DNAJC25: variants seen among roughly 807,000 people sequenced by gnomAD.
DNAJC25 encodes the protein DnaJ heat shock protein family (Hsp40) member C25.
Under a neutral mutation model 42.1 loss-of-function variants are expected in DNAJC25, and 26 were observed. The observed-to-expected ratio is 0.62, with a 90% CI of 0.45 to 0.86. The LOEUF (loss-of-function observed/expected upper bound fraction) is 0.86, where lower values mean the gene tolerates loss of function less well. Ranked by LOEUF, DNAJC25 falls within the 40% of genes least tolerant of loss-of-function variation. DNAJC25 has a pLI of 0.00. For missense variants in DNAJC25, 404 were observed against 459.4 expected, an observed-to-expected ratio of 0.88 and a Z score of 1.10; for synonymous variants, 189 against 179.9, an observed-to-expected ratio of 1.05 and a Z score of -0.40.
intron 1 of DNAJC25, among the ~76,000 whole-genome samples, chr9:111,645,607 T>G (rs1037318494): frequency 7.9e-5 from 12 of 152,200 alleles, no homozygotes; most frequent in Non-Finnish European, 1.6e-4. Context: ...AAGCAAGATT[T>G]AGTCATTAAC....
At chr9:111,634,543 G>C (rs1830336636) in intron 1 of DNAJC25, among the ~76,000 whole-genome samples, 1 of 152,188 alleles carries the variant, frequency 6.6e-6, no homozygotes, top group South Asian at 2.1e-4. Context: ...GAGCAGGTCA[G>C]ATAGAATAGT....
intron 1 of DNAJC25, among the ~76,000 whole-genome samples, chr9:111,643,615 G>A (rs1223382859): frequency 6.6e-6 from 1 of 152,078 alleles, no homozygotes; most frequent in African/African-American, 2.4e-5. Flanking sequence ...GTTTGCTATG[G>A]GTAAAAGAGG....
chr9:111,641,111 C>T (rs1219130340), intron 1 of DNAJC25, among the ~76,000 whole-genome samples: 39 of 98,508 alleles, frequency 4.0e-4, no homozygotes, highest in African/African-American at 1.3e-3. Flanking sequence ...CCAGCCACCC[C>T]GTCCGGGAGG....
intron 3 of DNAJC25, among the ~76,000 whole-genome samples, chr9:111,652,608 C>A (rs1830680482): frequency 6.7e-6 from 1 of 149,952 alleles, no homozygotes; most frequent in African/African-American, 2.5e-5. Flanking sequence ...ATGGCATGAT[C>A]TCAGCTCACT....
chr9:111,635,815 G>A (rs187371395), intron 1 of DNAJC25, among the ~76,000 whole-genome samples: 92 of 152,148 alleles, frequency 6.0e-4, no homozygotes, highest in African/African-American at 1.9e-3. Context: ...GAAGGGAAGC[G>A]TTACAACAAC....
At position 111,647,198 on chromosome 9, in the gene DNAJC25, C is replaced by T. The variant is rs748498270; in HGVS notation, c.428C>T (p.Ala143Val). 6.2e-7 allele frequency: 1 copy of T among 1,614,172 alleles called. No individual in the cohort carries two copies. The highest frequency in any genetic ancestry group is 8.5e-7 in the Non-Finnish European group (1 of 1,180,038). ...TACCACTACTATAGCAGGCGCTTGGCCCCTAAGGTGGATGTTAGAGTAGTG... is the reference window on the plus strand; with the variant it reads ...TACCACTACTATAGCAGGCGCTTGGTCCCTAAGGTGGATGTTAGAGTAGTG... ...HYYHYYSRRLAPKVDVRVVIL... is the reference protein window; with the variant it reads ...HYYHYYSRRLVPKVDVRVVIL... The change falls in exon 2 of 4, where the codon GCC (alanine) becomes GTC (valine). Residue 143 changes from alanine (A) to valine (V), a missense_variant. By Grantham distance (64) the Ala-to-Val change is moderately conservative. Transcript: ENST00000313525.
intron 3 of DNAJC25, among the ~76,000 whole-genome samples, chr9:111,651,597 G>A (rs774973112): frequency 4.6e-5 from 7 of 151,988 alleles, no homozygotes; most frequent in Non-Finnish European, 1.0e-4. Flanking sequence ...AAAAGTTACA[G>A]AATTGCAGGC....
chr9:111,642,679 A>T (rs937849607), intron 1 of DNAJC25, among the ~76,000 whole-genome samples: 1 of 151,212 alleles, frequency 6.6e-6, no homozygotes, highest in African/African-American at 2.4e-5. Context: ...ATATCAAATT[A>T]TTACAATTTA....
intron 1 of DNAJC25, among the ~76,000 whole-genome samples, chr9:111,634,997 A>G (rs1037014003): frequency 5.3e-5 from 8 of 152,332 alleles, no homozygotes; most frequent in African/African-American, 1.9e-4. Flanking sequence ...TCAAACCATT[A>G]TGATTTCACA....
chr9:111,642,020 G>A (rs1472001105), intron 1 of DNAJC25, among the ~76,000 whole-genome samples: 5 of 116,102 alleles, frequency 4.3e-5, no homozygotes, highest in East Asian at 6.3e-4. Context: ...CAGCCGCCCC[G>A]TCCGGGAGGT....
intron 1 of DNAJC25, among the ~76,000 whole-genome samples, chr9:111,642,645 A>ATAAAAAAT (rs1464372017): frequency 3.4e-4 from 42 of 123,604 alleles, no homozygotes; most frequent in Non-Finnish European, 6.5e-4. Flanking sequence ...AAATAAATAA[A>ATAAAAAAT]AAATAAATGT....
chr9:111,643,997 A>G (rs761473523), intron 1 of DNAJC25, among the ~76,000 whole-genome samples: 1 of 152,218 alleles, frequency 6.6e-6, no homozygotes, highest in Non-Finnish European at 1.5e-5. Flanking sequence ...AAGTATATGC[A>G]TGCCTCACTG....
In DNAJC25 at chr9:111,649,572, A is replaced by G. The variant is rs770703441; in HGVS notation, c.609A>G (p.Glu203=). The change falls in exon 3 of 4, where the codon GAA becomes GAG. Residue 203 remains glutamate, a synonymous_variant. Transcript: ENST00000313525. ...AGGGACTGCTCAAAAAAGCCAAAGA[A>G]AAAGGCAAAAACAAAAAGTCCAAAG... ...KQQGLLKKAK[E]KGKNKKSKEE... is the part of the protein sequence containing the mutation. 6.2e-7 allele frequency: 1 copy of G among 1,614,156 alleles called. No homozygotes were observed. The highest frequency in any genetic ancestry group is 2.2e-5 in the East Asian group (1 of 44,882).
chr9:111,642,628 A>C (rs866681515), intron 1 of DNAJC25, among the ~76,000 whole-genome samples: 9 of 151,746 alleles, frequency 5.9e-5, no homozygotes, highest in African/African-American at 2.2e-4. Flanking sequence ...TAAATAAATA[A>C]ATAAATAAAT....
chr9:111,640,195 C>T (rs1403584483), intron 1 of DNAJC25, among the ~76,000 whole-genome samples: 2 of 151,320 alleles, frequency 1.3e-5, no homozygotes, highest in Non-Finnish European at 3.0e-5. Context: ...CCCGAGGTGC[C>T]GGGATTGCAG....
At chr9:111,641,713 G>A (rs1487956682) in intron 1 of DNAJC25, among the ~76,000 whole-genome samples, 9,203 of 50,000 alleles carry the variant, frequency 0.18, 1 homozygote, top group Admixed American at 0.28. Context: ...CAGCCACCCC[G>A]TCCGGGAGGT....
rs73539305 is a variant in DNAJC25 at position 111,646,713 on chromosome 9, A to G, written c.337-394A>G. Reference sequence around the variant, plus strand: ...TTTTGCTTTTAGCAGAAAACTATCTATACAAGGCTGGGACGTGATTGTGAA... The same window carrying G: ...TTTTGCTTTTAGCAGAAAACTATCTGTACAAGGCTGGGACGTGATTGTGAA... On this transcript the variant is annotated intron_variant, in intron 1 of 3. Coordinates refer to ENST00000313525, the MANE Select transcript of DNAJC25 (RefSeq NM_001015882.3). 3.8e-3 allele frequency among the ~76,000 whole-genome samples: 573 copies of G among 152,322 alleles called. 6 individuals carry two copies. The highest frequency in any genetic ancestry group is 0.012 in the African/African-American group (482 of 41,566).
rs547451525 is a variant in DNAJC25, at chr9:111,640,072, GATT to G, written c.337-7034_337-7032del. On this transcript the variant is annotated intron_variant, in intron 1 of 3. Coordinates refer to ENST00000313525, the MANE Select transcript of DNAJC25 (RefSeq NM_001015882.3). ...CTGCCTCAGTCTGCCGAATGCCTGC[GATT>G]GCAGGCACGCGCCGCCACGCCTGAT... Among the ~76,000 whole-genome samples, 600 of 151,850 alleles carry G rather than the reference GATT, an allele frequency of 4.0e-3. 3 individuals carry two copies. The highest frequency in any genetic ancestry group is 0.014 in the African/African-American group (575 of 41,496).
intron 1 of DNAJC25, among the ~76,000 whole-genome samples, chr9:111,637,654 T>G (rs184340649): frequency 5.4e-4 from 82 of 152,360 alleles, no homozygotes; most frequent in African/African-American, 1.8e-3. Context: ...TGTCATAGAC[T>G]GGCGTGTGCA....
Sources: gnomAD v4.1 joint callset for allele counts (sites outside exome capture counted in the v4.1 genomes callset) on GRCh38, gnomAD v4.1.1 for gene constraint, MANE v1.5 for transcripts, NCBI Gene and HGNC (gene_info 2026-07-23, HGNC 2026-07-21) for gene names.